Variants in FZD8 observed in about 807,000 individuals in gnomAD.
The protein encoded by FZD8 is frizzled-8.
In FZD8, 18 loss-of-function variants were observed where a neutral mutation model predicts 46.0. The observed-to-expected ratio is 0.39, with a 90% CI of 0.27 to 0.58. The LOEUF (loss-of-function observed/expected upper bound fraction) is 0.58. Among genes scored for constraint, FZD8 ranks in the 20% least tolerant of loss-of-function variants. FZD8 has a pLI of 0.55. For synonymous variants in FZD8, 586 were observed against 467.9 expected (o/e 1.25, Z -3.26); for missense variants, 785 against 983.4 (o/e 0.80, Z 2.70).
rs773367908 is a variant in FZD8 at position 35,640,113 on chromosome 10, C to G, written c.1317G>C (p.Gln439His). 3.1e-6 allele frequency: 5 copies of G among 1,612,600 alleles called. No individual in the cohort carries two copies. Among genetic ancestry groups the G allele is most frequent in the Non-Finnish European group, 4.2e-6 (5 of 1,179,784 alleles). The change falls in exon 1 of 1, where the codon CAG becomes CAC. Residue 439 changes from glutamine (Q) to histidine (H), a missense_variant. Coordinates refer to ENST00000374694, the MANE Select transcript of FZD8 (RefSeq NM_031866.3). ...CAAGCCACGCGGCCAGGTGGAAGTA[C>G]TGCGAGTAGCCGGCGATGGCTTCGT... ...WGNEAIAGYS[Q>H]YFHLAAWLVP...
rs200626834 is a variant in FZD8, at chr10:35,639,611, C to T, written c.1819G>A (p.Gly607Ser). The change falls in exon 1 of 1, where the codon GGC becomes AGC. Residue 607 changes from glycine to serine, a missense_variant. Physicochemically the swap from Gly to Ser is moderately conservative, Grantham distance 56. This residue lies in a region of FZD8 where 185 missense variants were observed against 180.8 expected (regional missense o/e 1.02). Transcript: ENST00000374694. ...GAGCGCCAGGACTCCAGCGTCTTGC[C>T]GGACCAGACCCACACGCCCGAGGTG... ...GITSGVWVWS[G>S]KTLESWRSLC... is the part of the protein sequence containing the mutation. 5.6e-6 allele frequency: 9 copies of T among 1,597,888 alleles called. No homozygotes were observed. Among genetic ancestry groups the T allele is most frequent in the Admixed American group, 1.7e-5 (1 of 59,992 alleles).
chr10:35,641,689 C>A lies in FZD8; in HGVS notation c.-260G>T. The A allele has an allele frequency of 2.2e-6, 1 of 459,542 alleles. No individual in the cohort carries two copies. Among genetic ancestry groups the A allele is most frequent in the South Asian group, 3.0e-5 (1 of 33,828 alleles). 28.5% of individuals were successfully genotyped at this position (459,542 alleles called of 1,614,324 possible). A position where few individuals can be genotyped will look rare whatever the true frequency, so the allele number is the denominator to read the frequency against. ...TTTGAAGGCGGCTGCAGGCGCGCGCCACAGTCCGTAGGTCCGCTCTGCTGG... is the reference window on the plus strand; with the variant it reads ...TTTGAAGGCGGCTGCAGGCGCGCGCAACAGTCCGTAGGTCCGCTCTGCTGG... On this transcript the variant is annotated 5_prime_UTR_variant, in exon 1 of 1. Transcript: ENST00000374694. The surrounding 1 kb of genome is among the most constrained non-coding windows in gnomAD (Gnocchi z 6.3).
At position 35,641,733 on chromosome 10, in the gene FZD8, C is replaced by G. The variant is rs985104711; in HGVS notation, c.-304G>C. ...CTGCTGGCCCCGGGTCGCGCTCAGC[C>G]CTCGCGGCGCAGAGCGGCCGGGCCT... On this transcript the variant is annotated 5_prime_UTR_variant, in exon 1 of 1. Transcript: ENST00000374694. This position sits in a 1 kb window ranked among gnomAD's most constrained non-coding sequence, Gnocchi z 6.3. 35 of 266,344 alleles carry G rather than the reference C, an allele frequency of 1.3e-4. No homozygotes were observed. The highest frequency in any genetic ancestry group is 7.4e-4 in the African/African-American group (33 of 44,842). The allele number at this position is 266,344 out of a possible 1,614,324, so 16.5% of individuals were successfully genotyped here. A position where few individuals can be genotyped will look rare whatever the true frequency, so the allele number is the denominator to read the frequency against.
chr10:35,639,456 CGGCCCCCCGCCGCCGCCG>C lies in FZD8; in HGVS notation c.1956_1973del (p.Pro658_Gly663del), dbSNP rs781042896. 1.2e-4 allele frequency: 129 copies of C among 1,093,458 alleles called. No homozygotes were observed. The highest frequency in any genetic ancestry group is 3.9e-4 in the Admixed American group (8 of 20,658). The allele number at this position is 1,093,458 out of a possible 1,614,324, so 67.7% of individuals were successfully genotyped here. On this transcript the variant is annotated inframe_deletion, in exon 1 of 1. Transcript: ENST00000374694. ...TGTAGAGGGAGCCCCCGCCGCCGCC[CGGCCCCCCGCCGCCGCCG>C]GGTCCCCCGCCGCCGCCGCCCCCCG...
rs1835865257 is a variant in FZD8 at position 35,641,616 on chromosome 10, C to T, written c.-187G>A. On this transcript the variant is annotated 5_prime_UTR_variant, in exon 1 of 1. Coordinates refer to ENST00000374694, the MANE Select transcript of FZD8 (RefSeq NM_031866.3). The surrounding 1 kb of genome is among the most constrained non-coding windows in gnomAD (Gnocchi z 6.3). ...GGGGCGCGTCCGCAGCGGCGCGGCC[C>T]GCAGCCTGGGCAGGGCCCTTCCGCA... 1.3e-6 allele frequency: 1 copy of T among 754,818 alleles called. No homozygotes were observed. The highest frequency in any genetic ancestry group is 3.0e-5 in the Admixed American group (1 of 33,378). 46.8% of individuals were successfully genotyped at this position (754,818 alleles called of 1,614,324 possible).
At position 35,641,596 on chromosome 10, in the gene FZD8, G is replaced by T; in HGVS notation, c.-167C>A. ...CGATAATCTAACCCCTTCTAGGGGC[G>T]CGTCCGCAGCGGCGCGGCCCGCAGC... On this transcript the variant is annotated 5_prime_UTR_variant, in exon 1 of 1. Coordinates refer to ENST00000374694, the MANE Select transcript of FZD8 (RefSeq NM_031866.3). This position sits in a 1 kb window ranked among gnomAD's most constrained non-coding sequence, Gnocchi z 6.3. 1 of 888,706 alleles carries T rather than the reference G, an allele frequency of 1.1e-6. No individual in the cohort carries two copies. Among genetic ancestry groups the T allele is most frequent in the Non-Finnish European group, 1.7e-6 (1 of 605,846 alleles). 55.1% of individuals were successfully genotyped at this position (888,706 alleles called of 1,614,324 possible).
Position 35,641,455 on chromosome 10 carries a change from C to T in FZD8, c.-26G>A. On this transcript the variant is annotated 5_prime_UTR_variant, in exon 1 of 1. Transcript: ENST00000374694. This position sits in a 1 kb window ranked among gnomAD's most constrained non-coding sequence, Gnocchi z 6.3. ...GCTGTGCGCCTCGGCCCGGTGCCCT[C>T]GCCCTCCAGGCGGCGCGCAGAGGGG... is the stretch of plus-strand genomic sequence containing the variant. 1 of 1,563,098 alleles carries T rather than the reference C, an allele frequency of 6.4e-7. No individual in the cohort carries two copies. Among genetic ancestry groups the T allele is most frequent in the Non-Finnish European group, 8.6e-7 (1 of 1,159,744 alleles).
At position 35,641,693 on chromosome 10, in the gene FZD8, G is replaced by A. The variant is rs1044315826; in HGVS notation, c.-264C>T. On this transcript the variant is annotated 5_prime_UTR_variant, in exon 1 of 1. Coordinates refer to ENST00000374694, the MANE Select transcript of FZD8 (RefSeq NM_031866.3). This position sits in a 1 kb window ranked among gnomAD's most constrained non-coding sequence, Gnocchi z 6.3. ...AAGGCGGCTGCAGGCGCGCGCCACA[G>A]TCCGTAGGTCCGCTCTGCTGGCCCC... 12 of 409,554 alleles carry A rather than the reference G, an allele frequency of 2.9e-5. No individual in the cohort carries two copies. Among genetic ancestry groups the A allele is most frequent in the Non-Finnish European group, 3.9e-5 (9 of 229,030 alleles). 25.4% of individuals were successfully genotyped at this position (409,554 alleles called of 1,614,324 possible). A position where few individuals can be genotyped will look rare whatever the true frequency, so the allele number is the denominator to read the frequency against.
chr10:35,639,188 A>G lies in FZD8; in HGVS notation c.*157T>C. 4.2e-6 allele frequency: 1 copy of G among 237,618 alleles called. No homozygotes were observed. Among genetic ancestry groups the G allele is most frequent in the Admixed American group, 5.8e-5 (1 of 17,100 alleles). 14.7% of individuals were successfully genotyped at this position (237,618 alleles called of 1,614,324 possible). On this transcript the variant is annotated 3_prime_UTR_variant, in exon 1 of 1. Transcript: ENST00000374694. Reference sequence around the variant, plus strand: ...TACTTTGTTCTAAGTGAGTCATTTAAGTCCCAGCTAATGGATACCATTAAG... The same window carrying G: ...TACTTTGTTCTAAGTGAGTCATTTAGGTCCCAGCTAATGGATACCATTAAG...
chr10:35,639,494 C>G lies in FZD8; in HGVS notation c.1936G>C (p.Gly646Arg), dbSNP rs1401364307. The G allele has an allele frequency of 4.1e-6, 4 of 985,058 alleles. No homozygotes were observed. Among genetic ancestry groups the G allele is most frequent in the Non-Finnish European group, 4.8e-6 (4 of 829,188 alleles). 61.0% of individuals were successfully genotyped at this position (985,058 alleles called of 1,614,324 possible). A position where few individuals can be genotyped will look rare whatever the true frequency, so the allele number is the denominator to read the frequency against. ...CCGCCGGGTCCCCCGCCGCCGCCGC[C>G]CCCCGGCCCGCCGCCACCCCCCGCG... ...TAAGGGGGPG[G>R]GGGGGPGGGG... The change falls in exon 1 of 1, where the codon GGC becomes CGC. Residue 646 changes from glycine to arginine, a missense_variant. Physicochemically the swap from Gly to Arg is moderately radical, Grantham distance 125 (BLOSUM62 -2). Coordinates refer to ENST00000374694, the MANE Select transcript of FZD8 (RefSeq NM_031866.3).
chr10:35,640,124 C>G lies in FZD8; in HGVS notation c.1306G>C (p.Gly436Arg), dbSNP rs1835829921. 6.2e-7 allele frequency: 1 copy of G among 1,612,862 alleles called. No individual in the cohort carries two copies. Among genetic ancestry groups the G allele is most frequent in the Non-Finnish European group, 8.5e-7 (1 of 1,179,782 alleles). ...GCCAGGTGGAAGTACTGCGAGTAGC[C>G]GGCGATGGCTTCGTTGCCCCACTTC... ...GMKWGNEAIA[G>R]YSQYFHLAAW... Residue 436 changes from glycine (G) to arginine (R), a missense_variant, in exon 1 of 1, where the codon GGC (glycine) becomes CGC (arginine). By Grantham distance (125) the Gly-to-Arg change is moderately radical. Around this residue, in one of 5 missense-constraint regions of FZD8, gnomAD observed 147 missense variants for 242.5 expected, o/e 0.61. Transcript: ENST00000374694.
rs552560418 is a variant in FZD8 at position 35,641,492 on chromosome 10, G to GA, written c.-64_-63insT. On this transcript the variant is annotated 5_prime_UTR_variant, in exon 1 of 1. Transcript: ENST00000374694. The surrounding 1 kb of genome is among the most constrained non-coding windows in gnomAD (Gnocchi z 6.3). ...GGCGCGCAGAGGGGTGCCGGGGGGG[G>GA]GGCCCACGAGAGAGCCGCAGACGGG... 4 of 1,509,210 alleles carry GA rather than the reference G, an allele frequency of 2.7e-6. No homozygotes were observed. Among genetic ancestry groups the GA allele is most frequent in the Admixed American group, 2.1e-5 (1 of 47,654 alleles). The allele number at this position is 1,509,210 out of a possible 1,614,324, so 93.5% of individuals were successfully genotyped here.
At position 35,641,482 on chromosome 10, in the gene FZD8, G is replaced by GC. The variant is rs1835860929; in HGVS notation, c.-54dup. ...CCCTCCAGGCGGCGCGCAGAGGGGT[G>GC]CCGGGGGGGGGGCCCACGAGAGAGC... On this transcript the variant is annotated 5_prime_UTR_variant, in exon 1 of 1. Transcript: ENST00000374694. This position sits in a 1 kb window ranked among gnomAD's most constrained non-coding sequence, Gnocchi z 6.3. 9.4e-6 allele frequency: 13 copies of GC among 1,376,174 alleles called. No individual in the cohort carries two copies. The highest frequency in any genetic ancestry group is 2.1e-5 in the African/African-American group (1 of 47,506). The allele number at this position is 1,376,174 out of a possible 1,614,324, so 85.2% of individuals were successfully genotyped here.
Position 35,639,535 on chromosome 10 carries a change from C to A in FZD8, c.1895G>T (p.Gly632Val). ...ACCCCCCGCGGCCGTGGCGCCCGCG[C>A]CCCCGCCCACCGCGGCGCCCTTGCT... ...WASKGAAVGG[G>V]AGATAAGGGG... The change falls in exon 1 of 1, where the codon GGC (glycine) becomes GTC (valine). Residue 632 changes from glycine (G) to valine (V), a missense_variant. By Grantham distance (109) the Gly-to-Val change is moderately radical. This residue lies in a region of FZD8 where 185 missense variants were observed against 180.8 expected (regional missense o/e 1.02). Transcript: ENST00000374694. 1.5e-6 allele frequency: 2 copies of A among 1,324,650 alleles called. No individual in the cohort carries two copies. Among genetic ancestry groups the A allele is most frequent in the South Asian group, 2.1e-5 (1 of 48,342 alleles). 82.1% of individuals were successfully genotyped at this position (1,324,650 alleles called of 1,614,324 possible).
Position 35,642,248 on chromosome 10 carries a change from G to C in FZD8, c.-819C>G, listed in dbSNP as rs1835881285. 6.5e-6 allele frequency: 1 copy of C among 152,976 alleles called. No homozygotes were observed. The highest frequency in any genetic ancestry group is 2.4e-5 in the African/African-American group (1 of 41,558). The allele number at this position is 152,976 out of a possible 1,614,324, so 9.5% of individuals were successfully genotyped here. A position where few individuals can be genotyped will look rare whatever the true frequency, so the allele number is the denominator to read the frequency against. On this transcript the variant is annotated 5_prime_UTR_variant, in exon 1 of 1. Coordinates refer to ENST00000374694, the MANE Select transcript of FZD8 (RefSeq NM_031866.3). ...CGCGCCCAGCCGCCGCCTCCTCCTC[G>C]GCGGGAGCAGCGCCCTTAGCCCAAC...
At position 35,639,695 on chromosome 10, in the gene FZD8, G is replaced by T. The variant is rs201939286; in HGVS notation, c.1735C>A (p.Arg579Ser). The T allele has an allele frequency of 6.9e-6, 11 of 1,599,356 alleles. No homozygotes were observed. The highest frequency in any genetic ancestry group is 9.3e-6 in the Non-Finnish European group (11 of 1,179,674). ...ATGAAGACGGCGTAGTCGGGCCTGC[G>T]TGCCTGGTCGGGCTGCAGGTCCCGC... ...CLRDLQPDQA[R>S]RPDYAVFMLK... Residue 579 changes from arginine to serine, a missense_variant, in exon 1 of 1, where the codon CGC becomes AGC. Physicochemically the swap from Arg to Ser is moderately radical, Grantham distance 110. Transcript: ENST00000374694.
rs1342109345 is a variant in FZD8 at position 35,639,993 on chromosome 10, G to T, written c.1437C>A (p.Asp479Glu). Residue 479 changes from aspartate to glutamate, a missense_variant, in exon 1 of 1, where the codon GAC becomes GAA. Transcript: ENST00000374694. ...GCGCCAGCACGAAGCCGCGCAGGTT[G>T]TCCAGGCTCTGGTTGCCCACGTAGC... ...GICYVGNQSL[D>E]NLRGFVLAPL... 3 of 1,612,634 alleles carry T rather than the reference G, an allele frequency of 1.9e-6. No individual in the cohort carries two copies. The Admixed American group carries it at 5.0e-5, about 27-fold the overall frequency.
At position 35,639,104 on chromosome 10, in the gene FZD8, G is replaced by A. The variant is rs114001774; in HGVS notation, c.*241C>T. 1,964 of 172,604 alleles carry A rather than the reference G, an allele frequency of 0.011. 41 individuals carry two copies. The highest frequency in any genetic ancestry group is 0.044 in the African/African-American group (1,836 of 42,170). 10.7% of individuals were successfully genotyped at this position (172,604 alleles called of 1,614,324 possible). A position where few individuals can be genotyped will look rare whatever the true frequency, so the allele number is the denominator to read the frequency against. On this transcript the variant is annotated 3_prime_UTR_variant, in exon 1 of 1. Transcript: ENST00000374694. The stretch of plus-strand genomic sequence containing the variant: ...AACAGAAATTAACGCGTGGCGGGAG[G>A]AGCTCCCCGCACATCAATGGAGGAA...
rs1333030572 is a variant in FZD8, at chr10:35,639,828, G to C, written c.1602C>G (p.Gly534=). Residue 534 remains glycine, a synonymous_variant, in exon 1 of 1, where the codon GGC becomes GGG. Coordinates refer to ENST00000374694, the MANE Select transcript of FZD8 (RefSeq NM_031866.3). ...GCACGGTGTAGAGCACGGTGAACAG[G>C]CCCAGGCGGATCATCAGCTTCTCCA... ...HKLEKLMIRL[G]LFTVLYTVPA... is the part of the protein sequence containing the mutation. 1.9e-6 allele frequency: 3 copies of C among 1,568,616 alleles called. No individual in the cohort carries two copies. The Admixed American group carries it at 5.2e-5, about 27-fold the overall frequency.
Sources: gnomAD v4.1 joint callset for allele counts on GRCh38, gnomAD v4.1.1 for gene constraint, gnomAD v4.1.1 regional missense constraint, Gnocchi (gnomAD v3.1) non-coding constraint, MANE v1.5 for transcripts, NCBI Gene and HGNC (gene_info 2026-07-23, HGNC 2026-07-21) for gene names.